The following SCARB2 variants were observed in gnomAD, a reference collection of about 807,000 sequenced individuals.
SCARB2 encodes the protein scavenger receptor class B member 2.
A neutral mutation model predicts 58.6 loss-of-function variants in SCARB2; 29 were observed. The observed-to-expected ratio is 0.49, with a 90% CI of 0.37 to 0.67. The LOEUF is 0.67. Among genes scored for constraint, SCARB2 ranks in the 30% least tolerant of loss-of-function variants. The pLI, the probability that SCARB2 is intolerant of heterozygous loss-of-function variation, is 0.00. For missense variants in SCARB2, 488 were observed against 578.5 expected, an observed-to-expected ratio of 0.84 and a Z score of 1.60; for synonymous variants, 195 against 210.1, an observed-to-expected ratio of 0.93 and a Z score of 0.62.
chr4:76,205,210 C>T (rs868770687), intron 1 of SCARB2, among the ~76,000 whole-genome samples: 2 of 152,076 alleles, frequency 1.3e-5, no homozygotes, highest in Admixed American at 1.3e-4. Flanking sequence ...CCTGTAGTTC[C>T]AGCAACTTTA....
intron 1 of SCARB2, among the ~76,000 whole-genome samples, chr4:76,224,554 C>G (rs1410453361): frequency 6.6e-6 from 1 of 152,114 alleles, no homozygotes; most frequent in African/African-American, 2.4e-5. Context: ...ACAATTATAA[C>G]TTTTTAAAAA....
chr4:76,216,858 A>G (rs1428076598), upstream of SCARB2, among the ~76,000 whole-genome samples: 2 of 152,204 alleles, frequency 1.3e-5, no homozygotes, highest in African/African-American at 2.4e-5. Flanking sequence ...AAATATAAAC[A>G]GCTTTTAAGA....
intron 10 of SCARB2, 98 bp downstream of exon 10, chr4:76,166,152 C>A: frequency 1.7e-6 from 2 of 1,196,486 alleles, no homozygotes; most frequent in South Asian, 2.4e-5. Flanking sequence ...ATCTTTTGCC[C>A]TTCTGTCATA....
At chr4:76,222,964 C>T (rs988961216) in intron 1 of SCARB2, among the ~76,000 whole-genome samples, 1 of 152,080 alleles carries the variant, frequency 6.6e-6, no homozygotes, top group African/African-American at 2.4e-5. Flanking sequence ...GGGAATCGAC[C>T]ATGTAGGTGT....
intron 11 of SCARB2, 48 bp downstream of exon 11, chr4:76,163,177 C>T (rs1731933208): frequency 1.9e-6 from 3 of 1,611,332 alleles, no homozygotes; most frequent in Non-Finnish European, 2.5e-6. Flanking sequence ...TTGAATTCCT[C>T]AGGTAAAGTT....
At chr4:76,177,791 A>G (rs2109945451) in intron 4 of SCARB2, among the ~76,000 whole-genome samples, 1 of 152,338 alleles carries the variant, frequency 6.6e-6, no homozygotes, top group African/African-American at 2.4e-5. Context: ...CATATATTAT[A>G]TGACTCCATT....
At chr4:76,181,210 TA>T in intron 2 of SCARB2, 109 bp from the exon 3 acceptor site, 2 of 1,108,164 alleles carry the variant, frequency 1.8e-6, no homozygotes, top group Non-Finnish European at 2.7e-6. Flanking sequence ...ATTCCCAATA[TA>T]ACATTATATA....
At chr4:76,190,969 T>C (rs1476800506) in intron 2 of SCARB2, among the ~76,000 whole-genome samples, 1 of 152,164 alleles carries the variant, frequency 6.6e-6, no homozygotes, top group Non-Finnish European at 1.5e-5. Context: ...TAAAAAAAGA[T>C]TGTAAAGTAT....
intron 1 of SCARB2, among the ~76,000 whole-genome samples, chr4:76,219,062 GC>G (rs1195481542): frequency 1.3e-5 from 2 of 152,200 alleles, no homozygotes; most frequent in East Asian, 3.8e-4. Flanking sequence ...TCAGTCAGAT[GC>G]TTTAGCCAGG....
At chr4:76,216,495 A>G (rs147385732), upstream of SCARB2, among the ~76,000 whole-genome samples, 2,527 of 152,284 alleles carry the variant, frequency 0.017, 69 homozygotes, top group African/African-American at 0.058. Context: ...CACCAATCCC[A>G]GGGTACTCTT....
intron 1 of SCARB2, among the ~76,000 whole-genome samples, chr4:76,200,174 C>T (rs1054316715): frequency 7.4e-4 from 112 of 152,286 alleles, no homozygotes; most frequent in African/African-American, 2.6e-3. Context: ...TCTTCCTCAC[C>T]GAGGGTTCTG....
intron 4 of SCARB2, chr4:76,179,260 G>A: frequency 2.2e-6 from 1 of 464,392 alleles, no homozygotes; most frequent in Non-Finnish European, 4.0e-6. Flanking sequence ...TGCCATGTTG[G>A]CCAGGCTGGT....
intron 1 of SCARB2, among the ~76,000 whole-genome samples, chr4:76,198,106 C>G (rs1053864271): frequency 1.3e-5 from 2 of 152,222 alleles, no homozygotes; most frequent in African/African-American, 4.8e-5. Flanking sequence ...CTCGACTCCA[C>G]CGCACTTCTC....
chr4:76,175,441 G>A lies in SCARB2; in HGVS notation c.824+350C>T, dbSNP rs1283845766. 1.8e-5 allele frequency: 6 copies of A among 336,988 alleles called. No individual in the cohort carries two copies. The East Asian group carries it at 3.9e-4, about 22-fold the overall frequency. 20.9% of individuals were successfully genotyped at this position (336,988 alleles called of 1,614,324 possible). On this transcript the variant is annotated intron_variant, in intron 6 of 11. Coordinates refer to ENST00000264896, the MANE Select transcript of SCARB2 (RefSeq NM_005506.4). ...ATTGGTTACTGTGTGATGGGCCCTG[G>A]GCTAAGTATTTGACTAATACTAACT...
At chr4:76,205,416 T>G (rs1380052528) in intron 1 of SCARB2, among the ~76,000 whole-genome samples, 1 of 152,204 alleles carries the variant, frequency 6.6e-6, no homozygotes, top group Non-Finnish European at 1.5e-5. Flanking sequence ...GATTTTGTGT[T>G]CTTACCACAA....
At position 76,181,596 on chromosome 4, in the gene SCARB2, G is replaced by A. The variant is rs28439044; in HGVS notation, c.276-495C>T. The stretch of plus-strand genomic sequence containing the variant: ...GTTTCTTTTTTTGAGATAGGGTCTC[G>A]CTCTGTTGCCCAGGCTGGAGTGCAG... On this transcript the variant is annotated intron_variant, in intron 2 of 11. Coordinates refer to ENST00000264896, the MANE Select transcript of SCARB2 (RefSeq NM_005506.4). Among the ~76,000 whole-genome samples the A allele has an allele frequency of 1.8e-3, 279 of 152,104 alleles. 1 individual carries two copies. The highest frequency in any genetic ancestry group is 6.4e-3 in the African/African-American group (264 of 41,486).
intron 1 of SCARB2, among the ~76,000 whole-genome samples, chr4:76,197,948 T>C (rs983889812): frequency 6.6e-6 from 1 of 152,084 alleles, no homozygotes; most frequent in African/African-American, 2.4e-5. Flanking sequence ...ATGTTATGGA[T>C]AGACCCTAAG....
chr4:76,203,070 CA>C (rs1732862534), intron 1 of SCARB2, among the ~76,000 whole-genome samples: 2 of 152,104 alleles, frequency 1.3e-5, no homozygotes, highest in South Asian at 4.1e-4. Context: ...TGGCTCACTG[CA>C]ACTTTTGACT....
chr4:76,172,776 A>G (rs1448854458), intron 7 of SCARB2: 1 of 151,944 alleles, frequency 6.6e-6, no homozygotes, highest in Non-Finnish European at 1.5e-5. Context: ...TAGCCTCCTG[A>G]GTAGCTGGGT....
Sources: allele counts gnomAD v4.1 joint callset (sites outside exome capture counted in the v4.1 genomes callset), GRCh38; gene constraint gnomAD v4.1.1; transcripts MANE v1.5; gene names NCBI Gene and HGNC (gene_info 2026-07-23, HGNC 2026-07-21).